The following FAF2 variants were observed in gnomAD, a reference collection of about 807,000 sequenced individuals.
The protein encoded by FAF2 is Fas associated factor family member 2.
FAF2 carries 9 observed loss-of-function variants against 62.3 expected under a neutral mutation model. The observed-to-expected ratio is 0.14, with a 90% CI of 0.09 to 0.25. FAF2 has a LOEUF of 0.25. FAF2 is among the 10% of genes least tolerant of loss of function. The probability of loss-of-function intolerance (pLI) is 1.00; values close to 1 mark genes in which losing one functional copy is unlikely to be tolerated. For missense variants in FAF2, 368 were observed against 556.2 expected (o/e 0.66, Z 3.40); for synonymous variants, 202 against 198.0 (o/e 1.02, Z -0.17).
chr5:176,477,353 C>T (rs761951891), intron 1 of FAF2, among the ~76,000 whole-genome samples: 2 of 150,958 alleles, frequency 1.3e-5, no homozygotes, highest in African/African-American at 2.4e-5. Context: ...TCCCAAAGTG[C>T]TGGGATTACA....
chr5:176,505,534 G>A (rs1401307958), intron 10 of FAF2, among the ~76,000 whole-genome samples: 4 of 152,114 alleles, frequency 2.6e-5, no homozygotes, highest in Non-Finnish European at 2.9e-5. Flanking sequence ...TTCTTTAGTG[G>A]TGATTTGTGA....
intron 1 of FAF2, among the ~76,000 whole-genome samples, chr5:176,454,064 G>A (rs1224725806): frequency 2.1e-5 from 3 of 146,044 alleles, no homozygotes; most frequent in African/African-American, 7.6e-5. Context: ...AAAAAAAATT[G>A]GAGATACTAT....
chr5:176,466,275 T>TAAAGC (rs901466449), intron 1 of FAF2, among the ~76,000 whole-genome samples: 1 of 152,344 alleles, frequency 6.6e-6, no homozygotes, highest in South Asian at 2.1e-4. Flanking sequence ...GCCTATTACA[T>TAAAGC]AAAGCAAAGC....
At chr5:176,503,423 C>T (rs761191159) in intron 10 of FAF2, among the ~76,000 whole-genome samples, 36 of 151,888 alleles carry the variant, frequency 2.4e-4, no homozygotes, top group Admixed American at 2.0e-4. Context: ...GGCATGATGG[C>T]GTGGGCCTGT....
chr5:176,485,096 T>G (rs1340349713), intron 2 of FAF2, among the ~76,000 whole-genome samples: 1 of 152,182 alleles, frequency 6.6e-6, no homozygotes, highest in Non-Finnish European at 1.5e-5. Flanking sequence ...AGGCATTTTT[T>G]GAGTGGAAGA....
At chr5:176,496,731 C>G in intron 8 of FAF2, 68 bp downstream of exon 8, 1 of 1,246,708 alleles carries the variant, frequency 8.0e-7, no homozygotes. Flanking sequence ...ACCTCTGGGG[C>G]TCTACCAATC....
intron 1 of FAF2, among the ~76,000 whole-genome samples, chr5:176,478,364 A>G (rs1014160257): frequency 5.9e-5 from 9 of 152,164 alleles, no homozygotes; most frequent in Admixed American, 3.9e-4. Flanking sequence ...CTGCAGTGCC[A>G]GCTACTCAGG....
At position 176,451,890 on chromosome 5, in the gene FAF2, ATATTTTTTTTT is replaced by A. The variant is rs1158347084; in HGVS notation, c.63+3422_63+3432del. ...TATATACACACATATATATATATAT[ATATTTTTTTTT>A]TTTTTTTTTTTTTTTTTTTTGAGAC... On this transcript the variant is annotated intron_variant, in intron 1 of 10. Coordinates refer to ENST00000261942, the MANE Select transcript of FAF2 (RefSeq NM_014613.3). 3.9e-3 allele frequency among the ~76,000 whole-genome samples: 134 copies of A among 34,150 alleles called. 2 individuals carry two copies. The highest frequency in any genetic ancestry group is 8.3e-3 in the South Asian group (10 of 1,200). 22.4% of individuals were successfully genotyped at this position (34,150 alleles called of 152,430 possible).
At chr5:176,457,675 T>TG (rs58465518) in intron 1 of FAF2, among the ~76,000 whole-genome samples, 28 of 151,784 alleles carry the variant, frequency 1.8e-4, no homozygotes, top group Non-Finnish European at 1.9e-4. Flanking sequence ...TGTGTGTGTG[T>TG]TTAATACTAC....
At chr5:176,483,295 C>T (rs1325975714) in intron 2 of FAF2, among the ~76,000 whole-genome samples, 2 of 152,032 alleles carry the variant, frequency 1.3e-5, no homozygotes, top group Middle Eastern at 3.4e-3. Context: ...TTTCTTTTGT[C>T]GCGTGTGCTT....
intron 1 of FAF2, among the ~76,000 whole-genome samples, chr5:176,467,438 C>T (rs959640918): frequency 1.3e-5 from 2 of 152,148 alleles, no homozygotes; most frequent in African/African-American, 4.8e-5. Context: ...TTAAGCGATT[C>T]TTGTGCCTCA....
intron 1 of FAF2, among the ~76,000 whole-genome samples, chr5:176,452,386 A>G (rs1758204679): frequency 6.6e-6 from 1 of 152,170 alleles, no homozygotes; most frequent in Non-Finnish European, 1.5e-5. Context: ...AGTATCTACT[A>G]TGCCTTAGGC....
Position 176,509,403 on chromosome 5 carries a change from C to T in FAF2, c.*2453C>T, listed in dbSNP as rs569848144. The T allele has an allele frequency of 6.6e-6, 1 of 152,162 alleles. No individual in the cohort carries two copies. Among genetic ancestry groups the T allele is most frequent in the Non-Finnish European group, 1.5e-5 (1 of 68,036 alleles). The allele number at this position is 152,162 out of a possible 1,614,324, so 9.4% of individuals were successfully genotyped here. On this transcript the variant is annotated 3_prime_UTR_variant, in exon 11 of 11. Coordinates refer to ENST00000261942, the MANE Select transcript of FAF2 (RefSeq NM_014613.3). ...ATCTGCAAGCATTTGCTCTTGTTTCCACATCACCTCTGGGATATTTCAGCT... is the reference window on the plus strand; with the variant it reads ...ATCTGCAAGCATTTGCTCTTGTTTCTACATCACCTCTGGGATATTTCAGCT...
At chr5:176,501,957 A>G (rs1755599377) in intron 10 of FAF2, among the ~76,000 whole-genome samples, 1 of 152,046 alleles carries the variant, frequency 6.6e-6, no homozygotes, top group Non-Finnish European at 1.5e-5. Context: ...GGGTTTCACC[A>G]TGTTGGTCAG....
rs1758872071 is a variant in FAF2 at position 176,486,229 on chromosome 5, C to T, written c.133-126C>T. 4.2e-6 allele frequency: 5 copies of T among 1,195,812 alleles called. No individual in the cohort carries two copies. In the Admixed American group the frequency reaches 9.2e-5, roughly 22 times the overall value. 74.1% of individuals were successfully genotyped at this position (1,195,812 alleles called of 1,614,324 possible). On this transcript the variant is annotated intron_variant, in intron 2 of 10. Transcript: ENST00000261942. Reference sequence around the variant, plus strand: ...TTAACAGGCCCATGAAGGTGCACTCCTCAGTGACCTTTTGGTGTATTCATG... The same window carrying T: ...TTAACAGGCCCATGAAGGTGCACTCTTCAGTGACCTTTTGGTGTATTCATG...
chr5:176,464,487 CTTTTTTTTTTTTTT>C, intron 1 of FAF2, among the ~76,000 whole-genome samples: 1 of 80,000 alleles, frequency 1.3e-5, no homozygotes, highest in South Asian at 4.5e-4. Context: ...CAAGCTGATT[CTTTTTTTTTTTTTT>C]TTTTTTTTTG....
chr5:176,475,767 TAAAA>T (rs776213068), intron 1 of FAF2, among the ~76,000 whole-genome samples: 1 of 133,788 alleles, frequency 7.5e-6, no homozygotes. Context: ...AGACTTCGTC[TAAAA>T]AAAAAAAAAA....
intron 2 of FAF2, 58 bp from the exon 3 acceptor site, chr5:176,486,297 T>C: frequency 1.2e-6 from 2 of 1,604,264 alleles, no homozygotes; most frequent in South Asian, 1.1e-5. Context: ...GCCTCACCTC[T>C]TGTTGTTGGT....
At chr5:176,476,322 A>G (rs577752904) in intron 1 of FAF2, among the ~76,000 whole-genome samples, 2 of 151,948 alleles carry the variant, frequency 1.3e-5, no homozygotes, top group South Asian at 4.1e-4. Context: ...ATTTTGTGAT[A>G]ATATCTAGAG....
Sources: allele counts gnomAD v4.1 joint callset (sites outside exome capture counted in the v4.1 genomes callset), GRCh38; gene constraint gnomAD v4.1.1; transcripts MANE v1.5; gene names NCBI Gene and HGNC (gene_info 2026-07-23, HGNC 2026-07-21).